DEPDC5: variants seen among roughly 807,000 people sequenced by gnomAD.
The protein encoded by DEPDC5 is DEP domain containing 5, GATOR1 subcomplex subunit.
A neutral mutation model predicts 217.3 loss-of-function variants in DEPDC5; 73 were observed. The ratio of observed to expected loss-of-function variants is 0.34; its 90% CI spans 0.28 to 0.41. DEPDC5 has a LOEUF of 0.41. Ranked by LOEUF, DEPDC5 falls within the 10% of genes least tolerant of loss-of-function variation. The probability of loss-of-function intolerance (pLI) is 1.00; values close to 1 mark genes in which losing one functional copy is unlikely to be tolerated. For synonymous variants in DEPDC5, 733 were observed against 756.7 expected, an observed-to-expected ratio of 0.97 and a Z score of 0.51; for missense variants, 1,675 against 2,070.1, an observed-to-expected ratio of 0.81 and a Z score of 3.70.
chr22:31,869,643 G>C (rs1037491924), intron 33 of DEPDC5, among the ~76,000 whole-genome samples: 1 of 151,770 alleles, frequency 6.6e-6, no homozygotes, highest in Non-Finnish European at 1.5e-5. Context: ...GCGATATGGG[G>C]CACATAGACA....
intron 38 of DEPDC5, 100 bp from the exon 39 acceptor site, chr22:31,893,482 C>A: frequency 8.4e-7 from 1 of 1,194,636 alleles, no homozygotes; most frequent in Non-Finnish European, 1.1e-6. Context: ...TTCTTTTAGG[C>A]ACTTGTATAT....
chr22:31,843,536 A>G lies in DEPDC5; in HGVS notation c.2634-109A>G. ...TGGGATAAGTTGGTTACTACAGTTG[A>G]GGGGTAAATGTCAAGGATGGTTCTA... On this transcript the variant is annotated intron_variant, in intron 28 of 42. Coordinates refer to ENST00000651528, the MANE Select transcript of DEPDC5 (RefSeq NM_001242896.3). The G allele has an allele frequency of 2.3e-6, 3 of 1,331,280 alleles. No individual in the cohort carries two copies. The South Asian group carries it at 4.6e-5, about 20-fold the overall frequency. 82.5% of individuals were successfully genotyped at this position (1,331,280 alleles called of 1,614,324 possible).
chr22:31,834,723 G>A (rs1286013778), intron 25 of DEPDC5, among the ~76,000 whole-genome samples: 1 of 152,036 alleles, frequency 6.6e-6, no homozygotes, highest in African/African-American at 2.4e-5. Flanking sequence ...CACCATGTTG[G>A]TTAGGCTGGT....
chr22:31,771,604 C>T (rs578105922), intron 7 of DEPDC5, among the ~76,000 whole-genome samples: 1 of 151,986 alleles, frequency 6.6e-6, no homozygotes, highest in East Asian at 1.9e-4. Flanking sequence ...CCTGTAGTCC[C>T]AGCTACTCGG....
chr22:31,893,672 A>G lies in DEPDC5; in HGVS notation c.4124A>G (p.His1375Arg), dbSNP rs1260083367. ...CTGGAGTGGTGCAGCTGTTATTACC[A>G]TGGCAACTTTTCTCTGAATGCAGCC... is the stretch of plus-strand genomic sequence containing the variant. ...DRLEWCSCYYHGNFSLNAAFE... is the reference protein window; with the variant it reads ...DRLEWCSCYYRGNFSLNAAFE... The change falls in exon 39 of 43, where the codon CAT (histidine) becomes CGT (arginine). Residue 1375 changes from histidine to arginine, a missense_variant. Coordinates refer to ENST00000651528, the MANE Select transcript of DEPDC5 (RefSeq NM_001242896.3). 3 of 1,613,894 alleles carry G rather than the reference A, an allele frequency of 1.9e-6. No homozygotes were observed. Among genetic ancestry groups the G allele is most frequent in the Non-Finnish European group, 2.5e-6 (3 of 1,179,988 alleles).
chr22:31,888,310 C>T (rs902042784), intron 38 of DEPDC5, among the ~76,000 whole-genome samples: 5 of 123,056 alleles, frequency 4.1e-5, no homozygotes, highest in African/African-American at 9.3e-5. Context: ...AGTGCAGTGG[C>T]GTGATCTCAG....
At chr22:31,862,084 T>C (rs2092536748) in intron 33 of DEPDC5, among the ~76,000 whole-genome samples, 1 of 151,424 alleles carries the variant, frequency 6.6e-6, no homozygotes, top group East Asian at 2.0e-4. Flanking sequence ...CTACTAAAAA[T>C]ACAAAAAATT....
At chr22:31,861,129 C>A (rs2092493567) in intron 32 of DEPDC5, among the ~76,000 whole-genome samples, 1 of 151,176 alleles carries the variant, frequency 6.6e-6, no homozygotes, top group Admixed American at 6.6e-5. Context: ...TCTGCTAATG[C>A]TTCGCATTTG....
intron 18 of DEPDC5, among the ~76,000 whole-genome samples, chr22:31,809,247 C>T (rs1217575890): frequency 1.3e-5 from 2 of 152,232 alleles, no homozygotes; most frequent in South Asian, 2.1e-4. Context: ...GGGAGGCATG[C>T]AGCATTTGGG....
At chr22:31,778,046 C>T in intron 7 of DEPDC5, 53 bp from the exon 8 acceptor site, 1 of 1,587,720 alleles carries the variant, frequency 6.3e-7, no homozygotes, top group Non-Finnish European at 8.6e-7. Flanking sequence ...TTGCACCAGG[C>T]ATGTATTGGT....
intron 7 of DEPDC5, among the ~76,000 whole-genome samples, chr22:31,776,946 G>A (rs1384103712): frequency 2.6e-5 from 4 of 151,316 alleles, no homozygotes; most frequent in Non-Finnish European, 5.9e-5. Context: ...GTAATACCAA[G>A]TTGCTATTAG....
chr22:31,760,469 G>T (rs924937463), intron 3 of DEPDC5, among the ~76,000 whole-genome samples, 187 bp from the exon 4 acceptor site: 2 of 152,222 alleles, frequency 1.3e-5, no homozygotes, highest in East Asian at 3.8e-4. Context: ...CTCCCAAAGT[G>T]CTGGGATTAC....
Position 31,838,694 on chromosome 22 carries a change from A to G in DEPDC5, c.2364A>G (p.Glu788=). The G allele has an allele frequency of 6.2e-7, 1 of 1,614,054 alleles. No individual in the cohort carries two copies. The highest frequency in any genetic ancestry group is 1.1e-5 in the South Asian group (1 of 91,074). The stretch of plus-strand genomic sequence containing the variant: ...CATCTGTTGTTTTCAGGAGGGACGA[A>G]GATGGTGTGCAGATGACAGCCCAGC... The part of the protein sequence containing the change: ...LPEADIDRRD[E]DGVQMTAQQV... Residue 788 remains glutamate, a synonymous_variant, in exon 27 of 43, where the codon GAA becomes GAG. Transcript: ENST00000651528.
intron 8 of DEPDC5, among the ~76,000 whole-genome samples, chr22:31,780,540 A>G (rs962281620): frequency 3.3e-5 from 5 of 152,160 alleles, no homozygotes; most frequent in Non-Finnish European, 1.5e-5. Context: ...GTTCCCCAAC[A>G]TGCCACCTTC....
intron 26 of DEPDC5, among the ~76,000 whole-genome samples, chr22:31,838,427 T>C (rs2091181256): frequency 6.6e-6 from 1 of 152,156 alleles, no homozygotes; most frequent in Non-Finnish European, 1.5e-5. Flanking sequence ...TATTTTTTGG[T>C]AGAGACAGGG....
chr22:31,782,398 A>C (rs950712750), intron 8 of DEPDC5, among the ~76,000 whole-genome samples: 2 of 152,104 alleles, frequency 1.3e-5, no homozygotes, highest in Admixed American at 6.6e-5. Context: ...CAGCCTCCCA[A>C]AGTGCTGGGA....
At chr22:31,813,254 T>C (rs2088648141) in intron 20 of DEPDC5, among the ~76,000 whole-genome samples, 1 of 152,146 alleles carries the variant, frequency 6.6e-6, no homozygotes, top group East Asian at 1.9e-4. Flanking sequence ...AAGAGCTACT[T>C]AGGGGCTTTT....
At chr22:31,868,218 C>G (rs370104458) in intron 33 of DEPDC5, among the ~76,000 whole-genome samples, 1 of 151,962 alleles carries the variant, frequency 6.6e-6, no homozygotes, top group Non-Finnish European at 1.5e-5. Flanking sequence ...AACTTTACCC[C>G]CCAAGGGACA....
intron 34 of DEPDC5, among the ~76,000 whole-genome samples, chr22:31,872,476 G>A (rs1228466750): frequency 6.6e-6 from 1 of 152,170 alleles, no homozygotes; most frequent in Non-Finnish European, 1.5e-5. Context: ...ACATGGGGGC[G>A]CTGAGGCCAA....
Sources: allele counts gnomAD v4.1 joint callset (sites outside exome capture counted in the v4.1 genomes callset), GRCh38; gene constraint gnomAD v4.1.1; transcripts MANE v1.5; gene names NCBI Gene and HGNC (gene_info 2026-07-23, HGNC 2026-07-21).